Variants in GSE1 observed in about 807,000 individuals in gnomAD.
The protein encoded by GSE1 is genetic suppressor element 1.
GSE1 carries 32 observed loss-of-function variants against 112.6 expected under a neutral mutation model. The ratio of observed to expected loss-of-function variants is 0.28; its 90% CI spans 0.21 to 0.38. GSE1 has a LOEUF of 0.38. Among genes scored for constraint, GSE1 ranks in the 10% least tolerant of loss-of-function variants. The pLI, the probability that GSE1 is intolerant of heterozygous loss-of-function variation, is 1.00. For missense variants in GSE1, 2,348 were observed against 1,699.2 expected (o/e 1.38, Z -6.71); for synonymous variants, 1,115 against 735.6 (o/e 1.52, Z -8.35).
At chr16:85,560,128 CTTTTTTTTTT>C (rs377241566) in intron 1 of GSE1, among the ~76,000 whole-genome samples, 11 of 99,162 alleles carry the variant, frequency 1.1e-4, no homozygotes, top group Admixed American at 2.7e-4. Flanking sequence ...TCTTCTTCTT[CTTTTTTTTTT>C]TTTTTTTTTT....
At chr16:85,517,278 A>G (rs555561031) in intron 2 of GSE1, among the ~76,000 whole-genome samples, 39 of 152,080 alleles carry the variant, frequency 2.6e-4, no homozygotes, top group Non-Finnish European at 4.6e-4. Context: ...CTGAGGACAC[A>G]CGCAGGGGCC....
At chr16:85,187,242 G>C (rs774635285) in intron 1 of GSE1, among the ~76,000 whole-genome samples, 2 of 152,240 alleles carry the variant, frequency 1.3e-5, no homozygotes, top group Non-Finnish European at 2.9e-5. Flanking sequence ...AGCAGCTCCA[G>C]GGCCTTAATC....
At chr16:85,207,559 A>ATC (rs111744350) in intron 1 of GSE1, among the ~76,000 whole-genome samples, 5 of 151,798 alleles carry the variant, frequency 3.3e-5, no homozygotes, top group African/African-American at 9.7e-5. Context: ...GCGGCAGGAG[A>ATC]TCTTCTCAGA....
intron 2 of GSE1, among the ~76,000 whole-genome samples, chr16:85,410,201 C>CT (rs1427137622): frequency 2.0e-5 from 1 of 49,684 alleles, no homozygotes; most frequent in Admixed American, 1.9e-4. Flanking sequence ...ACACTCAGGC[C>CT]CCCGGATAAT....
intron 1 of GSE1, among the ~76,000 whole-genome samples, chr16:85,570,986 TTCTG>T (rs2045957846): frequency 6.6e-6 from 1 of 152,306 alleles, no homozygotes; most frequent in East Asian, 1.9e-4. Flanking sequence ...TTGAAGCAGA[TTCTG>T]AAGCGTTGGT....
In GSE1 at chr16:85,596,764, G is replaced by A. The variant is rs117709577; in HGVS notation, c.37+40401G>A. On this transcript the variant is annotated intron_variant, in intron 1 of 2. Coordinates refer to the GSE1 transcript ENST00000635906. The stretch of plus-strand genomic sequence containing the variant: ...CATCATGGAAAGTTCAGCCAGGCAC[G>A]GTAGCGCACAGCTGTAATCCCAGCA... Among the ~76,000 whole-genome samples the A allele has an allele frequency of 8.9e-4, 136 of 152,234 alleles. 1 individual carries two copies. The East Asian group carries it at 0.011, about 13-fold the overall frequency.
At chr16:85,306,210 C>G (rs192889086) in intron 1 of GSE1, 27 of 154,316 alleles carry the variant, frequency 1.7e-4, no homozygotes, top group African/African-American at 6.2e-4. Flanking sequence ...TCCAGTTTCC[C>G]TAAAGAACAG....
At chr16:85,404,129 G>GC (rs1196026480) in intron 2 of GSE1, among the ~76,000 whole-genome samples, 1 of 102,972 alleles carries the variant, frequency 9.7e-6, no homozygotes, top group Non-Finnish European at 2.1e-5. Context: ...TACACTCAGG[G>GC]CCCCCCTGGA....
intron 2 of GSE1, among the ~76,000 whole-genome samples, chr16:85,435,317 C>T (rs541578065): frequency 2.5e-4 from 38 of 151,998 alleles, no homozygotes; most frequent in African/African-American, 8.4e-4. Flanking sequence ...CACCCCCTCC[C>T]CCACTGTGGT....
At chr16:85,242,677 C>T (rs944293311) in intron 1 of GSE1, among the ~76,000 whole-genome samples, 1 of 152,134 alleles carries the variant, frequency 6.6e-6, no homozygotes, top group East Asian at 1.9e-4. Flanking sequence ...CGACAGCGAC[C>T]CCGACCCCAC....
At chr16:85,606,839 A>G (rs904971210), upstream of GSE1, among the ~76,000 whole-genome samples, 1 of 152,200 alleles carries the variant, frequency 6.6e-6, no homozygotes, top group Non-Finnish European at 1.5e-5. Flanking sequence ...CTGGTGGCAG[A>G]AGCGTCCAAA....
chr16:85,527,662 G>C (rs902062219), intron 2 of GSE1, among the ~76,000 whole-genome samples: 40 of 152,246 alleles, frequency 2.6e-4, no homozygotes, highest in Non-Finnish European at 1.2e-4. Context: ...GGGGCCGGCA[G>C]CCCTGGCAGG....
chr16:85,626,497 G>A (rs2049080198), intron 1 of GSE1, among the ~76,000 whole-genome samples: 1 of 152,226 alleles, frequency 6.6e-6, no homozygotes, highest in Admixed American at 6.5e-5. Flanking sequence ...TCTTTCTGCG[G>A]TAATGAAAAA....
chr16:85,421,577 G>C (rs561925652), intron 2 of GSE1, among the ~76,000 whole-genome samples: 149 of 152,324 alleles, frequency 9.8e-4, no homozygotes, highest in South Asian at 5.0e-3. Context: ...CTGACCAGGC[G>C]GGGAGGAGAA....
chr16:85,411,226 C>T (rs1317710570), intron 2 of GSE1, among the ~76,000 whole-genome samples: 1 of 36,704 alleles, frequency 2.7e-5, no homozygotes, highest in Non-Finnish European at 5.1e-5. Context: ...GGATAATCCT[C>T]ACTGTTACAC....
chr16:85,375,562 A>T (rs572329383), intron 2 of GSE1, among the ~76,000 whole-genome samples: 52 of 152,328 alleles, frequency 3.4e-4, no homozygotes, highest in Non-Finnish European at 4.1e-4. Context: ...GCCTGGGGCC[A>T]TGCAGGGCTT....
chr16:85,409,376 C>A (rs1189102372), intron 2 of GSE1, among the ~76,000 whole-genome samples: 3 of 40,392 alleles, frequency 7.4e-5, no homozygotes, highest in African/African-American at 3.1e-4. Flanking sequence ...CACTCAGGCC[C>A]CCTGGATAAT....
At chr16:85,650,921 C>T (rs1016144110) in intron 3 of GSE1, among the ~76,000 whole-genome samples, 4 of 151,810 alleles carry the variant, frequency 2.6e-5, no homozygotes, top group Admixed American at 6.6e-5. Flanking sequence ...GTGGGAGCTG[C>T]GAGAGGAGAA....
intron 1 of GSE1, among the ~76,000 whole-genome samples, chr16:85,585,563 GGGGAGGA>G (rs1011966899): frequency 1.8e-4 from 28 of 152,322 alleles, no homozygotes; most frequent in African/African-American, 6.0e-4. Context: ...GTCTCCATGT[GGGGAGGA>G]GGGAGGGAGA....
Sources: gnomAD v4.1 joint callset for allele counts (sites outside exome capture counted in the v4.1 genomes callset) on GRCh38, gnomAD v4.1.1 for gene constraint, MANE v1.5 for transcripts, NCBI Gene and HGNC (gene_info 2026-07-23, HGNC 2026-07-21) for gene names.